POGLUT2: variants seen among roughly 807,000 people sequenced by gnomAD.
POGLUT2 encodes the protein ER protein 58.
Under a neutral mutation model 57.6 loss-of-function variants are expected in POGLUT2, and 47 were observed. The observed-to-expected ratio is 0.82, with a 90% CI of 0.65 to 1.04. The LOEUF is 1.04. Ranked by LOEUF, POGLUT2 falls within the 50% of genes least tolerant of loss-of-function variation. POGLUT2 has a pLI of 0.00. For missense variants in POGLUT2, 565 were observed against 614.8 expected, an observed-to-expected ratio of 0.92 and a Z score of 0.86; for synonymous variants, 200 against 218.8, an observed-to-expected ratio of 0.91 and a Z score of 0.76.
intron 7 of POGLUT2, among the ~76,000 whole-genome samples, chr13:102,788,651 T>C (rs1161761662): frequency 6.6e-6 from 1 of 152,034 alleles, no homozygotes; most frequent in African/African-American, 2.4e-5. Flanking sequence ...CACGCCAGCT[T>C]ATTTTTGTAT....
In POGLUT2 at chr13:102,791,360, G is replaced by A; in HGVS notation, c.743C>T (p.Ser248Leu). 6.2e-7 allele frequency: 1 copy of A among 1,612,474 alleles called. No homozygotes were observed. The highest frequency in any genetic ancestry group is 1.7e-5 in the Admixed American group (1 of 59,510). ...DWPLEKKKSNSNIHPIFSWCG... is the reference protein window; with the variant it reads ...DWPLEKKKSNLNIHPIFSWCG... ...CCAGGAAAAGATCGGATGGATGTTT[G>A]AATTGGATTTCTTTTTTTCCAAAGG... The change falls in exon 5 of 10, where the codon TCA (serine) becomes TTA (leucine). Residue 248 changes from serine (S) to leucine (L), a missense_variant. By Grantham distance (145) the Ser-to-Leu change is moderately radical. Transcript: ENST00000376004.
intron 9 of POGLUT2, among the ~76,000 whole-genome samples, chr13:102,785,477 CA>C: frequency 6.6e-6 from 1 of 151,504 alleles, no homozygotes; most frequent in South Asian, 2.1e-4. Context: ...CACACACACA[CA>C]CACACACACA....
chr13:102,795,250 C>CAAAA (rs58015405), intron 2 of POGLUT2, among the ~76,000 whole-genome samples: 5 of 42,616 alleles, frequency 1.2e-4, no homozygotes, highest in Non-Finnish European at 1.0e-4. Context: ...GACATCGTCT[C>CAAAA]AAAAAAAAAA....
At chr13:102,787,771 T>C in intron 8 of POGLUT2, 63 bp downstream of exon 8, 2 of 837,430 alleles carry the variant, frequency 2.4e-6, no homozygotes, top group Non-Finnish European at 3.7e-6. Context: ...TTAAGTAAAA[T>C]ATTATTTGTT....
At chr13:102,798,451 G>C (rs768646968) in intron 1 of POGLUT2, 38 bp downstream of exon 1, 1 of 1,494,804 alleles carries the variant, frequency 6.7e-7, no homozygotes, top group African/African-American at 1.4e-5. Context: ...AGATTTAACC[G>C]CCATCCAAAA....
rs2139090610 is a variant in POGLUT2 at position 102,791,063 on chromosome 13, C to A, written c.921G>T (p.Trp307Cys). Residue 307 changes from tryptophan (W) to cysteine (C), a missense_variant, in exon 6 of 10, where the codon TGG becomes TGT. Physicochemically the swap from Trp to Cys is radical, Grantham distance 215. Transcript: ENST00000376004. The part of the protein sequence containing the change: ...PWESKNSTAV[W>C]RGRDSRKERL... ...TCTCTTTGCGGCTGTCTCGCCCTCT[C>A]CAGACGGCAGTGGAATTTTTGCTTT... 6.2e-7 allele frequency: 1 copy of A among 1,614,174 alleles called. No individual in the cohort carries two copies. Among genetic ancestry groups the A allele is most frequent in the Non-Finnish European group, 8.5e-7 (1 of 1,180,032 alleles).
chr13:102,789,235 G>A lies in POGLUT2; in HGVS notation c.1084-14C>T. Reference sequence around the variant, plus strand: ...TTGATACTTATGCTGCAAAACAATGGTAAAGTCTAAGAACCTCTATTAAAT... The same window carrying A: ...TTGATACTTATGCTGCAAAACAATGATAAAGTCTAAGAACCTCTATTAAAT... On this transcript the variant is annotated splice_polypyrimidine_tract_variant and intron_variant, in intron 6 of 9. Transcript: ENST00000376004. 1 of 1,604,318 alleles carries A rather than the reference G, an allele frequency of 6.2e-7. No homozygotes were observed.
At position 102,798,881 on chromosome 13, in the gene POGLUT2, C is replaced by A. The variant is rs898577608; in HGVS notation, c.-211G>T. The A allele has an allele frequency of 8.1e-6, 4 of 492,566 alleles. No homozygotes were observed. The Middle Eastern group carries it at 1.6e-3, about 200-fold the overall frequency. The allele number at this position is 492,566 out of a possible 1,614,324, so 30.5% of individuals were successfully genotyped here. ...TGCCCCGGCGCGCCCAGGTGAGGGT[C>A]CCCTGGCGTTCTGCTGTCCCGGCCG... On this transcript the variant is annotated 5_prime_UTR_variant, in exon 1 of 10. Transcript: ENST00000376004.
intron 8 of POGLUT2, among the ~76,000 whole-genome samples, chr13:102,787,036 T>G (rs970790715): frequency 1.4e-3 from 216 of 149,698 alleles, no homozygotes; most frequent in African/African-American, 5.2e-3. Flanking sequence ...CTGATTTTGT[T>G]TTTTTTTTTT....
chr13:102,797,054 C>T (rs1471419013), intron 1 of POGLUT2, 45 bp from the exon 2 acceptor site: 1 of 1,339,852 alleles, frequency 7.5e-7, no homozygotes, highest in Admixed American at 1.7e-5. Flanking sequence ...TTTTAACGAA[C>T]AAACACACAA....
rs754563669 is a variant in POGLUT2 at position 102,784,456 on chromosome 13, T to C, written c.*39A>G. The C allele has an allele frequency of 7.5e-7, 1 of 1,340,652 alleles. No individual in the cohort carries two copies. Among genetic ancestry groups the C allele is most frequent in the Non-Finnish European group, 1.1e-6 (1 of 946,478 alleles). 83.0% of individuals were successfully genotyped at this position (1,340,652 alleles called of 1,614,324 possible). A position where few individuals can be genotyped will look rare whatever the true frequency, so the allele number is the denominator to read the frequency against. The stretch of plus-strand genomic sequence containing the variant: ...TTCTTCTTTTTAGTTAAGAAGAGTC[T>C]TCAGAGCACCATTATTCTAATAGAA... On this transcript the variant is annotated 3_prime_UTR_variant, in exon 10 of 10. Coordinates refer to ENST00000376004, the MANE Select transcript of POGLUT2 (RefSeq NM_024089.3).
chr13:102,790,902 T>C lies in POGLUT2; in HGVS notation c.1082A>G (p.Lys361Arg), dbSNP rs544242271. ...GATTAGCTACTGATTAAGTCATACC[T>C]TGAAGAAATCAAAAAATGAAATATG... ...VKHISFFDFF[K>R]HKYQINIDGT... The change falls in exon 6 of 10, where the codon AAG (lysine) becomes AGG (arginine). Residue 361 changes from lysine to arginine, a missense_variant and splice_region_variant. By Grantham distance (26) the Lys-to-Arg change is conservative. Coordinates refer to ENST00000376004, the MANE Select transcript of POGLUT2 (RefSeq NM_024089.3). The C allele has an allele frequency of 6.4e-7, 1 of 1,572,872 alleles. No homozygotes were observed. The highest frequency in any genetic ancestry group is 1.3e-5 in the African/African-American group (1 of 74,174).
intron 9 of POGLUT2, among the ~76,000 whole-genome samples, chr13:102,785,842 G>C (rs1017184571): frequency 1.3e-5 from 2 of 152,178 alleles, no homozygotes; most frequent in African/African-American, 4.8e-5. Flanking sequence ...AATAATCGTG[G>C]TTACATATTT....
rs1314559999 is a variant in POGLUT2 at position 102,791,261 on chromosome 13, C to T, written c.842G>A (p.Gly281Asp). The change falls in exon 5 of 10, where the codon GGC becomes GAC. Residue 281 changes from glycine to aspartate, a missense_variant. By Grantham distance (94) the Gly-to-Asp change is moderately conservative. Transcript: ENST00000376004. ...CCAACCCTGACTTATCTCTCACCGG[C>T]CCATGGTTTCCAGAACAGAATCAGT... Reference protein sequence around the residue: ...DLTDSVLETMGRVSLDMMSVQ... With the variant: ...DLTDSVLETMDRVSLDMMSVQ... The T allele has an allele frequency of 5.0e-6, 8 of 1,602,042 alleles. No individual in the cohort carries two copies. In the East Asian group the frequency reaches 1.1e-4, roughly 22 times the overall value.
chr13:102,786,440 G>GTTAA, intron 8 of POGLUT2, 101 bp from the exon 9 acceptor site: 1 of 804,402 alleles, frequency 1.2e-6, no homozygotes, highest in Non-Finnish European at 2.2e-6. Flanking sequence ...TTTAACTCAT[G>GTTAA]TGTGTCAAAC....
chr13:102,786,384 T>A (rs374045022), intron 8 of POGLUT2, 45 bp from the exon 9 acceptor site: 98 of 1,209,282 alleles, frequency 8.1e-5, no homozygotes, highest in Non-Finnish European at 1.1e-4. Flanking sequence ...AAACACTTTA[T>A]ATCCACCCAA....
intron 6 of POGLUT2, among the ~76,000 whole-genome samples, chr13:102,790,362 G>GT (rs1878119592): frequency 6.6e-6 from 1 of 152,142 alleles, no homozygotes; most frequent in African/African-American, 2.4e-5. Context: ...AAAGAGCAGG[G>GT]TGGTGCCCAC....
chr13:102,789,372 T>A, intron 6 of POGLUT2, 151 bp from the exon 7 acceptor site: 2 of 634,742 alleles, frequency 3.2e-6, no homozygotes, highest in Non-Finnish European at 5.5e-6. Flanking sequence ...TAAGTGTTAT[T>A]AAACAACAGG....
chr13:102,798,432 G>T (rs1224695607), intron 1 of POGLUT2, 57 bp downstream of exon 1: 11 of 1,458,964 alleles, frequency 7.5e-6, no homozygotes, highest in Non-Finnish European at 9.2e-6. Flanking sequence ...AAATCTTAAA[G>T]GGAGAAACAG....
Sources: gnomAD v4.1 joint callset for allele counts (sites outside exome capture counted in the v4.1 genomes callset) on GRCh38, gnomAD v4.1.1 for gene constraint, MANE v1.5 for transcripts, NCBI Gene and HGNC (gene_info 2026-07-23, HGNC 2026-07-21) for gene names.